The following ING5 variants were observed in gnomAD, a reference collection of about 807,000 sequenced individuals.
ING5 encodes inhibitor of growth protein 5.
A neutral mutation model predicts 37.4 loss-of-function variants in ING5; 17 were observed. The observed-to-expected ratio is 0.45, with a 90% CI of 0.31 to 0.68. ING5 has a LOEUF of 0.68. Ranked by LOEUF, ING5 falls within the 30% of genes least tolerant of loss-of-function variation. The probability of loss-of-function intolerance (pLI) is 0.05; values close to 1 mark genes in which losing one functional copy is unlikely to be tolerated. For missense variants in ING5, 233 were observed against 311.9 expected, an observed-to-expected ratio of 0.75 and a Z score of 1.91; for synonymous variants, 123 against 116.6, an observed-to-expected ratio of 1.06 and a Z score of -0.36.
chr2:241,708,213 G>GT lies in ING5; in HGVS notation c.110-991dup, dbSNP rs982217889. 4.4e-3 allele frequency among the ~76,000 whole-genome samples: 572 copies of GT among 131,212 alleles called. 1 individual carries two copies. The highest frequency in any genetic ancestry group is 8.9e-3 in the South Asian group (36 of 4,054). The allele number at this position is 131,212 out of a possible 152,430, so 86.1% of individuals were successfully genotyped here. On this transcript the variant is annotated intron_variant, in intron 2 of 7. Coordinates refer to ENST00000313552, the MANE Select transcript of ING5 (RefSeq NM_032329.6). ...GCATGGCCTTCAACAGTTTTCTTTT[G>GT]TTTTTTTTTTTTGAGATGGAGTCTC...
At chr2:241,702,227 GCGA>G (rs2069755546) in intron 1 of ING5, 125 bp downstream of exon 1, 1 of 268,808 alleles carries the variant, frequency 3.7e-6, no homozygotes, top group Non-Finnish European at 5.7e-6. Flanking sequence ...GCGGCCGGGC[GCGA>G]CGGGGGGCGC....
intron 2 of ING5, chr2:241,690,794 C>A: frequency 2.6e-6 from 1 of 389,194 alleles, no homozygotes; most frequent in Non-Finnish European, 4.5e-6. Flanking sequence ...TCATTAGGTT[C>A]TCTGCTTGCT....
chr2:241,725,232 G>A lies in ING5; in HGVS notation c.*201G>A, dbSNP rs1691567331. The stretch of plus-strand genomic sequence containing the variant: ...GGCGACCTTGCAGGGACTCGCCGCC[G>A]CGACCTCAGTGTGGCTTTTACAGGA... On this transcript the variant is annotated 3_prime_UTR_variant, in exon 8 of 8. Transcript: ENST00000313552. 2.1e-5 allele frequency: 13 copies of A among 611,460 alleles called. No individual in the cohort carries two copies. The highest frequency in any genetic ancestry group is 3.2e-4 in the Middle Eastern group (1 of 3,102). 37.9% of individuals were successfully genotyped at this position (611,460 alleles called of 1,614,324 possible). A position where few individuals can be genotyped will look rare whatever the true frequency, so the allele number is the denominator to read the frequency against.
intron 5 of ING5, chr2:241,722,650 A>C: frequency 1.0e-6 from 1 of 985,352 alleles, no homozygotes; most frequent in Non-Finnish European, 1.2e-6. Flanking sequence ...GGTTTTGAAA[A>C]TGTGTGCTCC....
intron 2 of ING5, among the ~76,000 whole-genome samples, chr2:241,706,625 CAAAAAAAAA>C (rs770869002): frequency 0.013 from 1,463 of 109,342 alleles, 35 homozygotes; most frequent in African/African-American, 0.047. Flanking sequence ...AACTCCATCT[CAAAAAAAAA>C]AAAAAAAAAG....
intron 1 of ING5, among the ~76,000 whole-genome samples, chr2:241,703,731 G>A (rs182888397): frequency 2.0e-5 from 3 of 151,938 alleles, no homozygotes; most frequent in Non-Finnish European, 4.4e-5. Flanking sequence ...CTAGCCTCTC[G>A]AGTAGCTGGG....
intron 2 of ING5, among the ~76,000 whole-genome samples, chr2:241,693,879 G>A (rs1381781511): frequency 3.3e-5 from 5 of 150,702 alleles, no homozygotes; most frequent in South Asian, 2.1e-4. Context: ...GGCTGGTCTC[G>A]AACTCCTGAC....
chr2:241,720,298 C>T lies in ING5; in HGVS notation c.483-2641C>T, dbSNP rs112527141. On this transcript the variant is annotated intron_variant, in intron 5 of 7. Transcript: ENST00000313552. The stretch of plus-strand genomic sequence containing the variant: ...TGGGTATTCACGCCCCTCGTGGTCA[C>T]GCTGTGGTGCCAGGCCGCTCTGCCT... 17,393 of 1,225,474 alleles carry T rather than the reference C, an allele frequency of 0.014. 877 individuals carry two copies. In the East Asian group the frequency reaches 0.18, roughly 12 times the overall value. The allele number at this position is 1,225,474 out of a possible 1,614,324, so 75.9% of individuals were successfully genotyped here.
intron 1 of ING5, among the ~76,000 whole-genome samples, chr2:241,702,849 AC>A (rs1361463382): frequency 6.6e-6 from 1 of 152,228 alleles, no homozygotes; most frequent in Non-Finnish European, 1.5e-5. Context: ...GGGACCCCTG[AC>A]GTCGGCCCGG....
At chr2:241,694,512 T>TA (rs569061994) in intron 2 of ING5, among the ~76,000 whole-genome samples, 36 of 151,678 alleles carry the variant, frequency 2.4e-4, no homozygotes, top group African/African-American at 7.3e-4. Flanking sequence ...ACAAATATGT[T>TA]AAAAAAAAGT....
At chr2:241,721,310 G>C in intron 5 of ING5, 1 of 985,426 alleles carries the variant, frequency 1.0e-6, no homozygotes, top group Non-Finnish European at 1.2e-6. Flanking sequence ...AAGCAGTGTC[G>C]GCAGCACCTG....
intron 5 of ING5, among the ~76,000 whole-genome samples, chr2:241,717,046 C>T (rs1434791414): frequency 1.3e-5 from 2 of 151,996 alleles, no homozygotes; most frequent in Admixed American, 6.6e-5. Context: ...TATATAGTTA[C>T]CTCATATAGT....
intron 1 of ING5, among the ~76,000 whole-genome samples, chr2:241,703,083 G>T (rs2069793501): frequency 6.6e-6 from 1 of 152,198 alleles, no homozygotes; most frequent in African/African-American, 2.4e-5. Context: ...GGTCTGAGTA[G>T]TGGGGGGTTC....
chr2:241,719,692 G>T (rs1385653800), intron 5 of ING5: 1 of 1,520,738 alleles, frequency 6.6e-7, no homozygotes. Context: ...TGGGGTCGGG[G>T]CTTCCTCCCT....
chr2:241,705,408 T>TTTTTTTTTTTTC (rs2069878742), intron 2 of ING5, among the ~76,000 whole-genome samples: 1 of 145,084 alleles, frequency 6.9e-6, no homozygotes, highest in East Asian at 2.1e-4. Context: ...TTTTTTTTTT[T>TTTTTTTTTTTTC]TTTTTTTGAG....
chr2:241,692,466 C>CTTT (rs577054689), intron 2 of ING5, among the ~76,000 whole-genome samples: 22 of 143,622 alleles, frequency 1.5e-4, no homozygotes, highest in East Asian at 8.1e-4. Context: ...ACACATCTGG[C>CTTT]TTTTTTTTTT....
At chr2:241,720,275 G>T in intron 5 of ING5, 4 of 1,229,492 alleles carry the variant, frequency 3.3e-6, no homozygotes, top group Non-Finnish European at 4.1e-6. Flanking sequence ...CAGCACAGTG[G>T]GTATTCACGC....
At chr2:241,707,994 T>C (rs2069977182) in intron 2 of ING5, among the ~76,000 whole-genome samples, 1 of 152,126 alleles carries the variant, frequency 6.6e-6, no homozygotes, top group Non-Finnish European at 1.5e-5. Context: ...GCCTCCTGGG[T>C]GCAAGTGATT....
upstream of ING5, among the ~76,000 whole-genome samples, chr2:241,700,154 T>TTTTG (rs2069692157): frequency 7.3e-6 from 1 of 136,842 alleles, no homozygotes; most frequent in African/African-American, 2.9e-5. Context: ...GGCTAAGTTT[T>TTTTG]TTTTTTTTTT....
Sources: allele counts gnomAD v4.1 joint callset (sites outside exome capture counted in the v4.1 genomes callset), GRCh38; gene constraint gnomAD v4.1.1; transcripts MANE v1.5; gene names NCBI Gene and HGNC (gene_info 2026-07-23, HGNC 2026-07-21).